ZNF638: variants seen among roughly 807,000 people sequenced by gnomAD.
ZNF638 encodes CTCL tumor antigen se33-1.
In ZNF638, 46 loss-of-function variants were observed where a neutral mutation model predicts 195.6. The observed-to-expected ratio is 0.24, with a 90% CI of 0.19 to 0.30. The LOEUF (loss-of-function observed/expected upper bound fraction) is 0.30. Ranked by LOEUF, ZNF638 falls within the 10% of genes least tolerant of loss-of-function variation. The pLI is 1.00. For synonymous variants in ZNF638, 845 were observed against 772.0 expected, an observed-to-expected ratio of 1.09 and a Z score of -1.57; for missense variants, 2,440 against 2,325.3, an observed-to-expected ratio of 1.05 and a Z score of -1.01.
chr2:71,372,518 G>A (rs2079332603), intron 8 of ZNF638, among the ~76,000 whole-genome samples: 1 of 152,212 alleles, frequency 6.6e-6, no homozygotes, highest in South Asian at 2.1e-4. Flanking sequence ...CCAGATTAGG[G>A]AGGTGTGCTG....
intron 2 of ZNF638, among the ~76,000 whole-genome samples, chr2:71,353,227 T>A (rs1391410644): frequency 6.6e-6 from 1 of 152,224 alleles, no homozygotes; most frequent in East Asian, 1.9e-4. Context: ...AAGATGTACT[T>A]TGAGAACGTG....
In ZNF638 at chr2:71,434,645, C is replaced by T. The variant is rs2080730842; in HGVS notation, c.5872-97C>T. ...CTGTGTTTATAATATTTTGTAGGAT[C>T]AGTTTCTTTTAAATTATAAATATAC... On this transcript the variant is annotated intron_variant, in intron 27 of 27. Coordinates refer to ENST00000264447, the MANE Select transcript of ZNF638 (RefSeq NM_014497.5). The T allele has an allele frequency of 1.3e-5, 12 of 958,458 alleles. No individual in the cohort carries two copies. The South Asian group carries it at 1.7e-4, about 14-fold the overall frequency. The allele number at this position is 958,458 out of a possible 1,614,324, so 59.4% of individuals were successfully genotyped here.
intron 1 of ZNF638, among the ~76,000 whole-genome samples, chr2:71,346,134 T>C (rs574329174): frequency 6.6e-6 from 1 of 152,344 alleles, no homozygotes; most frequent in East Asian, 1.9e-4. Flanking sequence ...ATTTGTTCTT[T>C]TGCTGTTTTA....
In ZNF638 at chr2:71,408,250, A is replaced by G. The variant is rs2080144299; in HGVS notation, c.3261+3A>G. 1.2e-6 allele frequency: 2 copies of G among 1,606,940 alleles called. No homozygotes were observed. The highest frequency in any genetic ancestry group is 1.7e-6 in the Non-Finnish European group (2 of 1,177,878). On this transcript the variant is annotated splice_donor_region_variant and intron_variant, in intron 20 of 27. Coordinates refer to ENST00000264447, the MANE Select transcript of ZNF638 (RefSeq NM_014497.5). ...CTCCAAAGATAGACTTACCAGAGGTAAGATTTATCTTTCTTCAGCTTTTGT... is the reference window on the plus strand; with the variant it reads ...CTCCAAAGATAGACTTACCAGAGGTGAGATTTATCTTTCTTCAGCTTTTGT...
intron 26 of ZNF638, 70 bp from the exon 27 acceptor site, chr2:71,433,087 AAATAAATG>A (rs2080699985): frequency 8.4e-7 from 1 of 1,189,570 alleles, no homozygotes; most frequent in East Asian, 2.3e-5. Context: ...ACTCCGTCTC[AAATAAATG>A]AATAAATCGA....
chr2:71,382,110 A>T (rs556292173), intron 10 of ZNF638, among the ~76,000 whole-genome samples: 1 of 152,150 alleles, frequency 6.6e-6, no homozygotes. Context: ...AAAATTTCCA[A>T]GTTTCAGTCC....
chr2:71,425,017 GT>G (rs1271014374), intron 23 of ZNF638, among the ~76,000 whole-genome samples: 1 of 152,116 alleles, frequency 6.6e-6, no homozygotes, highest in Admixed American at 6.5e-5. Context: ...GGAATAGGTT[GT>G]AGACACAGAA....
At chr2:71,408,900 T>C (rs958407041) in intron 20 of ZNF638, 4 of 197,732 alleles carry the variant, frequency 2.0e-5, no homozygotes, top group Admixed American at 1.8e-4. Flanking sequence ...TTTAAGTAAA[T>C]GTATTATGAT....
intron 1 of ZNF638, among the ~76,000 whole-genome samples, chr2:71,334,017 T>A (rs1007613470): frequency 3.3e-5 from 5 of 152,262 alleles, no homozygotes; most frequent in Non-Finnish European, 7.3e-5. Flanking sequence ...AAAGGCCCTC[T>A]AATCTAACTT....
chr2:71,408,665 T>C (rs1367451399), intron 20 of ZNF638: 4 of 378,758 alleles, frequency 1.1e-5, no homozygotes, highest in Non-Finnish European at 1.6e-5. Flanking sequence ...TTTCACAGGT[T>C]CTTGGCCTAC....
chr2:71,409,364 G>A (rs1286459225), intron 20 of ZNF638, among the ~76,000 whole-genome samples: 3 of 152,112 alleles, frequency 2.0e-5, no homozygotes, highest in Non-Finnish European at 2.9e-5. Context: ...ACTTCTTTGT[G>A]TAGTATGTGT....
intron 1 of ZNF638, among the ~76,000 whole-genome samples, chr2:71,337,168 TAAG>T (rs1398733068): frequency 6.6e-6 from 1 of 150,612 alleles, no homozygotes; most frequent in Non-Finnish European, 1.5e-5. Context: ...TTGTATAAAG[TAAG>T]AAGATCACAT....
intron 2 of ZNF638, among the ~76,000 whole-genome samples, chr2:71,352,744 G>T (rs1446546957): frequency 6.6e-6 from 1 of 152,166 alleles, no homozygotes; most frequent in Non-Finnish European, 1.5e-5. Flanking sequence ...AGGGAGATCT[G>T]ACTGAAGTAT....
At chr2:71,345,358 A>G (rs1316853874) in intron 1 of ZNF638, among the ~76,000 whole-genome samples, 2 of 152,136 alleles carry the variant, frequency 1.3e-5, no homozygotes, top group East Asian at 1.9e-4. Context: ...ACCATTGAAG[A>G]TATGTTATTT....
intron 1 of ZNF638, among the ~76,000 whole-genome samples, chr2:71,334,794 G>A (rs1375658846): frequency 6.6e-6 from 1 of 151,896 alleles, no homozygotes; most frequent in Non-Finnish European, 1.5e-5. Context: ...GGTGGCGGGC[G>A]CCTGTAGTCC....
intron 20 of ZNF638, 132 bp downstream of exon 20, chr2:71,408,379 C>A: frequency 8.9e-7 from 1 of 1,128,910 alleles, no homozygotes; most frequent in Non-Finnish European, 1.2e-6. Context: ...ATCAGTGTTC[C>A]AATTTTCATA....
chr2:71,381,081 G>A (rs1316703644), intron 10 of ZNF638, among the ~76,000 whole-genome samples: 2 of 152,080 alleles, frequency 1.3e-5, no homozygotes, highest in Admixed American at 1.3e-4. Flanking sequence ...AATAAATTTT[G>A]CATACAGTTT....
intron 10 of ZNF638, chr2:71,393,636 GCT>G: frequency 1.4e-6 from 1 of 717,914 alleles, no homozygotes; most frequent in Non-Finnish European, 2.6e-6. Flanking sequence ...TCCTTGCTCT[GCT>G]CTCTGGTGTA....
At chr2:71,368,611 G>A in intron 7 of ZNF638, 83 bp downstream of exon 7, 1 of 1,387,718 alleles carries the variant, frequency 7.2e-7, no homozygotes, top group Non-Finnish European at 1.0e-6. Flanking sequence ...TTCCTTAGCT[G>A]CTTGTACTGC....
Sources: gnomAD v4.1 joint callset for allele counts (sites outside exome capture counted in the v4.1 genomes callset) on GRCh38, gnomAD v4.1.1 for gene constraint, MANE v1.5 for transcripts, NCBI Gene and HGNC (gene_info 2026-07-23, HGNC 2026-07-21) for gene names.